The following SLC14A2 variants were observed in gnomAD, a reference collection of about 807,000 sequenced individuals.
SLC14A2 encodes urea transporter 2.
Under a neutral mutation model 104.6 loss-of-function variants are expected in SLC14A2, and 91 were observed. The observed-to-expected ratio is 0.87, with a 90% CI of 0.73 to 1.04. The LOEUF is 1.04. Ranked by LOEUF, SLC14A2 falls within the 50% of genes least tolerant of loss-of-function variation. The probability of loss-of-function intolerance (pLI) is 0.00; values close to 1 mark genes in which losing one functional copy is unlikely to be tolerated. For synonymous variants in SLC14A2, 476 were observed against 466.4 expected (o/e 1.02, Z -0.27); for missense variants, 1,189 against 1,156.0 (o/e 1.03, Z -0.41).
intron 1 of SLC14A2, among the ~76,000 whole-genome samples, chr18:45,390,713 T>G (rs2085951502): frequency 6.6e-6 from 1 of 152,118 alleles, no homozygotes; most frequent in Non-Finnish European, 1.5e-5. Flanking sequence ...CTAAAGGGAA[T>G]GATCACAATT....
chr18:45,360,284 T>C (rs2085597512), intron 1 of SLC14A2, among the ~76,000 whole-genome samples: 1 of 152,322 alleles, frequency 6.6e-6, no homozygotes, highest in Middle Eastern at 3.4e-3. Context: ...CAGTGGGCAA[T>C]GATGATTTTC....
chr18:45,477,819 C>T (rs959070495), intron 1 of SLC14A2, among the ~76,000 whole-genome samples: 9 of 152,160 alleles, frequency 5.9e-5, no homozygotes, highest in South Asian at 2.1e-4. Flanking sequence ...TCAGTAATGG[C>T]GGATGCCCTT....
Position 45,636,957 on chromosome 18 carries a change from C to T in SLC14A2, c.651-33C>T, listed in dbSNP as rs183739703. Reference sequence around the variant, plus strand: ...AGACAATGTAGACCTCAGGATGTCACAGGGATTAACCCTCTGTCTCTTGCA... The same window carrying T: ...AGACAATGTAGACCTCAGGATGTCATAGGGATTAACCCTCTGTCTCTTGCA... On this transcript the variant is annotated intron_variant, in intron 5 of 19. Transcript: ENST00000255226. 5 of 1,575,664 alleles carry T rather than the reference C, an allele frequency of 3.2e-6. No individual in the cohort carries two copies. The Admixed American group carries it at 8.4e-5, about 27-fold the overall frequency.
intron 2 of SLC14A2, among the ~76,000 whole-genome samples, chr18:45,493,484 A>G (rs1379703855): frequency 3.3e-5 from 5 of 152,266 alleles, no homozygotes; most frequent in Non-Finnish European, 7.3e-5. Context: ...TAACAACAGC[A>G]TTATCTAATA....
At chr18:45,403,548 C>A (rs2086118860) in intron 1 of SLC14A2, among the ~76,000 whole-genome samples, 1 of 152,142 alleles carries the variant, frequency 6.6e-6, no homozygotes, top group Non-Finnish European at 1.5e-5. Flanking sequence ...CCTGGCCACT[C>A]CTCCTCATGT....
At chr18:45,602,089 G>A (rs2044798793) in intron 2 of SLC14A2, among the ~76,000 whole-genome samples, 1 of 152,190 alleles carries the variant, frequency 6.6e-6, no homozygotes, top group African/African-American at 2.4e-5. Flanking sequence ...AACTCCACCA[G>A]ACCTTCAGTT....
chr18:45,430,828 G>T (rs2086503021), intron 1 of SLC14A2, among the ~76,000 whole-genome samples: 1 of 152,156 alleles, frequency 6.6e-6, no homozygotes, highest in Non-Finnish European at 1.5e-5. Context: ...ATGGTGGGAA[G>T]AAGGGAGTCT....
intron 1 of SLC14A2, among the ~76,000 whole-genome samples, chr18:45,282,106 C>T (rs1045830217): frequency 6.6e-6 from 1 of 152,144 alleles, no homozygotes; most frequent in African/African-American, 2.4e-5. Context: ...GAGGTGACAT[C>T]ACTGGGCTAA....
At chr18:45,592,454 C>T (rs1425284389) in intron 2 of SLC14A2, among the ~76,000 whole-genome samples, 1 of 152,188 alleles carries the variant, frequency 6.6e-6, no homozygotes, top group Non-Finnish European at 1.5e-5. Context: ...AGCTTCCACA[C>T]AACCCTAAGC....
chr18:45,225,368 A>G (rs2084104715), intron 1 of SLC14A2, among the ~76,000 whole-genome samples: 1 of 152,114 alleles, frequency 6.6e-6, no homozygotes, highest in Non-Finnish European at 1.5e-5. Context: ...TTTTGTTACC[A>G]GTACCATGCT....
chr18:45,243,363 A>G (rs11659914), intron 1 of SLC14A2, among the ~76,000 whole-genome samples: 48,516 of 152,070 alleles, frequency 0.32, 9,492 homozygotes, highest in African/African-American at 0.56. Context: ...TTTTACAGAT[A>G]AAGAAGCAGG....
chr18:45,638,314 G>A (rs2045458147), intron 6 of SLC14A2, among the ~76,000 whole-genome samples: 1 of 152,074 alleles, frequency 6.6e-6, no homozygotes, highest in South Asian at 2.1e-4. Context: ...ACAGCATTTG[G>A]TTATTAAAAG....
intron 2 of SLC14A2, among the ~76,000 whole-genome samples, chr18:45,497,729 C>T (rs2043124852): frequency 6.6e-6 from 1 of 152,164 alleles, no homozygotes; most frequent in African/African-American, 2.4e-5. Flanking sequence ...CCCAAATATG[C>T]CACATCCTGC....
At chr18:45,375,405 G>T (rs2085763113) in intron 1 of SLC14A2, among the ~76,000 whole-genome samples, 1 of 152,030 alleles carries the variant, frequency 6.6e-6, no homozygotes, top group African/African-American at 2.4e-5. Context: ...TGGCTCATCT[G>T]GTCTTGTGGC....
At chr18:45,648,559 CTTCT>C (rs1334978825) in intron 10 of SLC14A2, among the ~76,000 whole-genome samples, 4 of 151,948 alleles carry the variant, frequency 2.6e-5, no homozygotes, top group Non-Finnish European at 4.4e-5. Flanking sequence ...ATTGTTGTAC[CTTCT>C]TTCTTTCTGA....
chr18:45,285,870 C>G (rs2084810063), intron 1 of SLC14A2, among the ~76,000 whole-genome samples: 1 of 152,178 alleles, frequency 6.6e-6, no homozygotes, highest in South Asian at 2.1e-4. Context: ...TTCCTCAGAA[C>G]AGTGGTTCTC....
At chr18:45,215,985 A>G (rs2084007470) in intron 1 of SLC14A2, among the ~76,000 whole-genome samples, 1 of 152,188 alleles carries the variant, frequency 6.6e-6, no homozygotes, top group African/African-American at 2.4e-5. Flanking sequence ...ATAACATGAA[A>G]CATTCCACAG....
chr18:45,630,566 C>T (rs753528419), intron 4 of SLC14A2, among the ~76,000 whole-genome samples: 41 of 152,206 alleles, frequency 2.7e-4, no homozygotes, highest in Non-Finnish European at 4.4e-4. Flanking sequence ...CAGAAACCAC[C>T]AAAGTTTTAG....
intron 2 of SLC14A2, among the ~76,000 whole-genome samples, chr18:45,484,241 C>T (rs984639311): frequency 2.0e-5 from 3 of 152,124 alleles, no homozygotes; most frequent in Admixed American, 6.5e-5. Flanking sequence ...CCCCCACTTC[C>T]TACCCAACTT....
Sources: gnomAD v4.1 joint callset for allele counts (sites outside exome capture counted in the v4.1 genomes callset) on GRCh38, gnomAD v4.1.1 for gene constraint, MANE v1.5 for transcripts, NCBI Gene and HGNC (gene_info 2026-07-23, HGNC 2026-07-21) for gene names.